The following CDK14 variants were observed in gnomAD, a reference collection of about 807,000 sequenced individuals.
CDK14 encodes cyclin-dependent kinase 14.
In CDK14, 34 loss-of-function variants were observed where a neutral mutation model predicts 60.7. The observed-to-expected ratio is 0.56, with a 90% CI of 0.43 to 0.75. The LOEUF (loss-of-function observed/expected upper bound fraction) is 0.75. Ranked by LOEUF, CDK14 falls within the 30% of genes least tolerant of loss-of-function variation. The pLI is 0.00. For synonymous variants in CDK14, 197 were observed against 203.7 expected (o/e 0.97, Z 0.28); for missense variants, 482 against 564.1 (o/e 0.85, Z 1.47).
chr7:90,969,901 G>C (rs924274565), intron 9 of CDK14, among the ~76,000 whole-genome samples: 1 of 150,544 alleles, frequency 6.6e-6, no homozygotes, highest in Non-Finnish European at 1.5e-5. Context: ...GTAACCTGGA[G>C]TTATTACTTT....
In CDK14 at chr7:90,631,709, G is replaced by A. The variant is rs73707288; in HGVS notation, c.123+27460G>A. 5.1e-3 allele frequency among the ~76,000 whole-genome samples: 775 copies of A among 152,258 alleles called. 6 individuals carry two copies. The highest frequency in any genetic ancestry group is 0.016 in the African/African-American group (661 of 41,554). Reference sequence around the variant, plus strand: ...ACAGTTGGTACTAAGAAAGGCCCTCGGGGACTGGGTTACGAGGTTTCGCAG... The same window carrying A: ...ACAGTTGGTACTAAGAAAGGCCCTCAGGGACTGGGTTACGAGGTTTCGCAG... On this transcript the variant is annotated intron_variant, in intron 2 of 14. Coordinates refer to ENST00000380050, the MANE Select transcript of CDK14 (RefSeq NM_001287135.2).
intron 10 of CDK14, among the ~76,000 whole-genome samples, chr7:91,011,443 G>T (rs1796156895): frequency 6.6e-6 from 1 of 152,052 alleles, no homozygotes. Context: ...ATATTTTTGT[G>T]CTTGGCGTTC....
At chr7:91,171,239 A>C (rs1251187217) in intron 14 of CDK14, among the ~76,000 whole-genome samples, 1 of 151,838 alleles carries the variant, frequency 6.6e-6, no homozygotes, top group Non-Finnish European at 1.5e-5. Context: ...AATCCCGGCT[A>C]CTCAGGAGGC....
chr7:90,889,452 C>T (rs957502045), intron 6 of CDK14, among the ~76,000 whole-genome samples: 1 of 152,166 alleles, frequency 6.6e-6, no homozygotes, highest in Admixed American at 6.5e-5. Flanking sequence ...GCTGCCCGTA[C>T]ATTTTGGATT....
chr7:91,063,900 TG>T (rs929797299), intron 11 of CDK14, among the ~76,000 whole-genome samples: 5 of 152,126 alleles, frequency 3.3e-5, no homozygotes, highest in African/African-American at 9.7e-5. Context: ...AGATACTGAG[TG>T]TTTTTTTTAT....
At chr7:90,620,309 G>C (rs1799739508) in intron 2 of CDK14, among the ~76,000 whole-genome samples, 1 of 152,100 alleles carries the variant, frequency 6.6e-6, no homozygotes, top group African/African-American at 2.4e-5. Context: ...ATTTTTCTTT[G>C]AGATTTCTTT....
chr7:90,638,381 C>T (rs1271240273), intron 2 of CDK14, among the ~76,000 whole-genome samples: 1 of 152,164 alleles, frequency 6.6e-6, no homozygotes, highest in Non-Finnish European at 1.5e-5. Flanking sequence ...ATTTCTTCTT[C>T]ACTTATGAAG....
chr7:90,667,369 A>G (rs1801003540), intron 2 of CDK14, among the ~76,000 whole-genome samples: 1 of 152,186 alleles, frequency 6.6e-6, no homozygotes, highest in African/African-American at 2.4e-5. Flanking sequence ...TTGTACAGCC[A>G]TCACCACTAA....
intron 13 of CDK14, among the ~76,000 whole-genome samples, chr7:91,113,242 T>C (rs1799520659): frequency 6.6e-6 from 1 of 152,226 alleles, no homozygotes. Context: ...GGCAATTGGC[T>C]AATGCACTGA....
intron 2 of CDK14, among the ~76,000 whole-genome samples, chr7:90,719,443 C>T (rs940934488): frequency 6.6e-6 from 1 of 152,168 alleles, no homozygotes; most frequent in Non-Finnish European, 1.5e-5. Flanking sequence ...CTGAATTAAG[C>T]TGTGCTCTTT....
At chr7:91,165,238 C>T (rs1367647344) in intron 14 of CDK14, among the ~76,000 whole-genome samples, 1 of 152,158 alleles carries the variant, frequency 6.6e-6, no homozygotes, top group African/African-American at 2.4e-5. Context: ...GATTGTTGCA[C>T]ATTTCTTCCA....
intron 5 of CDK14, among the ~76,000 whole-genome samples, chr7:90,830,471 T>A (rs1425231657): frequency 6.6e-6 from 1 of 152,216 alleles, no homozygotes; most frequent in Admixed American, 6.5e-5. Context: ...TTTTCCCTCC[T>A]AGGCTTCTGG....
chr7:90,860,555 C>T (rs1205934540), intron 5 of CDK14, among the ~76,000 whole-genome samples: 1 of 130,856 alleles, frequency 7.6e-6, no homozygotes, highest in East Asian at 2.3e-4. Flanking sequence ...GAGATAGAGT[C>T]TCACTATGTT....
chr7:91,132,813 G>A (rs1350527345), intron 14 of CDK14, among the ~76,000 whole-genome samples: 1 of 152,090 alleles, frequency 6.6e-6, no homozygotes, highest in African/African-American at 2.4e-5. Context: ...GCAAATGAGG[G>A]AAAAATTAAT....
chr7:90,983,092 C>T (rs1795274667), intron 9 of CDK14, among the ~76,000 whole-genome samples: 1 of 152,156 alleles, frequency 6.6e-6, no homozygotes, highest in Non-Finnish European at 1.5e-5. Flanking sequence ...TGCTCATACA[C>T]TGTTCATGAG....
At chr7:90,625,660 C>T (rs925899352) in intron 2 of CDK14, among the ~76,000 whole-genome samples, 4 of 152,130 alleles carry the variant, frequency 2.6e-5, no homozygotes, top group Admixed American at 2.0e-4. Flanking sequence ...AGAGAGAAGG[C>T]TTTGTGATAA....
chr7:90,634,505 G>A (rs1326616481), intron 2 of CDK14, among the ~76,000 whole-genome samples: 2 of 151,592 alleles, frequency 1.3e-5, no homozygotes, highest in East Asian at 3.9e-4. Context: ...GTGTATATGT[G>A]CCACATTTTC....
rs1393039883 is a variant in CDK14 at position 90,649,248 on chromosome 7, C to CTTTCTTTG, written c.123+45006_123+45007insGTTTCTTT. 1.6e-4 allele frequency among the ~76,000 whole-genome samples: 4 copies of CTTTCTTTG among 25,182 alleles called. No individual in the cohort carries two copies. The East Asian group carries it at 3.2e-3, about 20-fold the overall frequency. 16.5% of individuals were successfully genotyped at this position (25,182 alleles called of 152,430 possible). A position where few individuals can be genotyped will look rare whatever the true frequency, so the allele number is the denominator to read the frequency against. ...GCTCTAGCCTATAGTTTCTTTCTTT[C>CTTTCTTTG]TTTCTTTCTTTCTTTCTTTCTTTCT... is the stretch of plus-strand genomic sequence containing the variant. On this transcript the variant is annotated intron_variant, in intron 2 of 14. Coordinates refer to ENST00000380050, the MANE Select transcript of CDK14 (RefSeq NM_001287135.2).
At chr7:91,154,179 T>A (rs2011903) in intron 14 of CDK14, among the ~76,000 whole-genome samples, 144,156 of 151,648 alleles carry the variant, frequency 0.95, 68,547 homozygotes, top group East Asian at 1. Context: ...TTTTTTTTTT[T>A]AAACAGAATT....
Sources: allele counts gnomAD v4.1 joint callset (sites outside exome capture counted in the v4.1 genomes callset), GRCh38; gene constraint gnomAD v4.1.1; transcripts MANE v1.5; gene names NCBI Gene and HGNC (gene_info 2026-07-23, HGNC 2026-07-21).